Variants in BFSP1 observed in about 807,000 individuals in gnomAD.
BFSP1 encodes the protein beaded filament structural protein 1, also known as filensin.
A neutral mutation model predicts 43.9 loss-of-function variants in BFSP1; 38 were observed. The ratio of observed to expected loss-of-function variants is 0.87; its 90% CI spans 0.67 to 1.14. The LOEUF is 1.14. BFSP1 is among the 50% of genes most tolerant of loss of function. The pLI is 0.00. For synonymous variants in BFSP1, 352 were observed against 354.8 expected (o/e 0.99, Z 0.09); for missense variants, 850 against 875.1 (o/e 0.97, Z 0.36).
chr20:17,550,526 G>A (rs925146493), intron 1 of BFSP1, among the ~76,000 whole-genome samples: 2 of 147,742 alleles, frequency 1.4e-5, no homozygotes, highest in Middle Eastern at 3.2e-3. Context: ...GGGCAATGGC[G>A]TGATCTCAGC....
intron 7 of BFSP1, among the ~76,000 whole-genome samples, chr20:17,496,413 C>T (rs2033632149): frequency 6.6e-6 from 1 of 152,200 alleles, no homozygotes; most frequent in Non-Finnish European, 1.5e-5. Context: ...GCAGATGCCA[C>T]ATTTACCAGC....
chr20:17,550,262 G>T (rs2034873799), intron 1 of BFSP1, among the ~76,000 whole-genome samples: 1 of 152,100 alleles, frequency 6.6e-6, no homozygotes, highest in Non-Finnish European at 1.5e-5. Flanking sequence ...TTACAGAGTA[G>T]GGTGTCCTCA....
intron 1 of BFSP1, among the ~76,000 whole-genome samples, chr20:17,542,044 A>G (rs1011949869): frequency 6.6e-6 from 1 of 152,162 alleles, no homozygotes; most frequent in African/African-American, 2.4e-5. Flanking sequence ...GTAACCTCCA[A>G]AATCAATTTC....
chr20:17,531,088 A>T lies in BFSP1; in HGVS notation c.242T>A (p.Leu81Gln). 7.3e-7 allele frequency: 1 copy of T among 1,367,548 alleles called. No individual in the cohort carries two copies. The highest frequency in any genetic ancestry group is 9.4e-7 in the Non-Finnish European group (1 of 1,062,680). The allele number at this position is 1,367,548 out of a possible 1,614,324, so 84.7% of individuals were successfully genotyped here. The change falls in exon 1 of 8, where the codon CTG becomes CAG. Residue 81 changes from leucine (L) to glutamine (Q), a missense_variant. Transcript: ENST00000377873. The stretch of plus-strand genomic sequence containing the variant: ...GGCGAGGGCGTCCTCGGGCCCGGCC[A>T]GCTCGCCCAGGCGCTGGAAGGCATC... Reference protein sequence around the residue: ...QLDAFQRLGELAGPEDALARQ... With the variant: ...QLDAFQRLGEQAGPEDALARQ...
intron 1 of BFSP1, among the ~76,000 whole-genome samples, chr20:17,537,568 C>CAAAAAAAA (rs901895418): frequency 6.3e-5 from 4 of 63,822 alleles, no homozygotes; most frequent in Admixed American, 1.8e-4. Flanking sequence ...ACTGAAGCAC[C>CAAAAAAAA]AAAAAAAAAA....
chr20:17,501,862 A>G (rs371616334), intron 5 of BFSP1, among the ~76,000 whole-genome samples: 1 of 152,194 alleles, frequency 6.6e-6, no homozygotes, highest in East Asian at 1.9e-4. Flanking sequence ...GGAATCTGGA[A>G]AGGGGTCTCA....
intron 2 of BFSP1, among the ~76,000 whole-genome samples, chr20:17,516,181 G>C (rs1259188545): frequency 6.6e-6 from 1 of 152,100 alleles, no homozygotes; most frequent in Non-Finnish European, 1.5e-5. Flanking sequence ...TACAAAATTA[G>C]CTGGGCATGG....
chr20:17,495,081 A>G, intron 7 of BFSP1, 52 bp from the exon 8 acceptor site: 1 of 1,505,594 alleles, frequency 6.6e-7, no homozygotes, highest in Non-Finnish European at 9.0e-7. Flanking sequence ...TGAGAGAGAA[A>G]GAAAATACGC....
chr20:17,559,168 T>G (rs2035043178), upstream of BFSP1, among the ~76,000 whole-genome samples: 1 of 152,274 alleles, frequency 6.6e-6, no homozygotes. Context: ...CAGACATGGA[T>G]AGTTGGGAGA....
At chr20:17,542,098 T>C (rs752254581) in intron 1 of BFSP1, among the ~76,000 whole-genome samples, 111 of 152,064 alleles carry the variant, frequency 7.3e-4, no homozygotes, top group Non-Finnish European at 3.7e-4. Flanking sequence ...CTGCCTGCAT[T>C]TGGGGCACTT....
intron 7 of BFSP1, 37 bp from the exon 8 acceptor site, chr20:17,495,066 G>C: frequency 6.5e-7 from 1 of 1,542,592 alleles, no homozygotes; most frequent in Non-Finnish European, 8.8e-7. Flanking sequence ...AAGTATAATT[G>C]TCACTGAGAG....
At chr20:17,496,573 C>T (rs2033636704) in intron 7 of BFSP1, among the ~76,000 whole-genome samples, 3 of 152,116 alleles carry the variant, frequency 2.0e-5, no homozygotes, top group South Asian at 2.1e-4. Flanking sequence ...CACTTACTGC[C>T]GAGCGGAGGG....
chr20:17,568,617 G>A (rs1008648545), intron 1 of BFSP1, among the ~76,000 whole-genome samples: 1 of 152,134 alleles, frequency 6.6e-6, no homozygotes, highest in Non-Finnish European at 1.5e-5. Flanking sequence ...AACTTTTCCA[G>A]GTGATTCTGA....
intron 1 of BFSP1, among the ~76,000 whole-genome samples, chr20:17,568,367 G>C (rs1464243208): frequency 1.3e-5 from 2 of 152,086 alleles, no homozygotes; most frequent in East Asian, 3.9e-4. Flanking sequence ...TTCACTTTTG[G>C]ACTAGAAAGG....
intron 4 of BFSP1, among the ~76,000 whole-genome samples, chr20:17,511,236 C>T (rs1443488336): frequency 6.6e-6 from 1 of 152,156 alleles, no homozygotes; most frequent in Non-Finnish European, 1.5e-5. Flanking sequence ...AACATAATAT[C>T]AGAAGTAATT....
At chr20:17,500,099 C>T (rs1017541049) in intron 5 of BFSP1, among the ~76,000 whole-genome samples, 1 of 152,106 alleles carries the variant, frequency 6.6e-6, no homozygotes, top group Non-Finnish European at 1.5e-5. Context: ...AGAAAAGTTT[C>T]CTTGTTCTCA....
chr20:17,541,865 C>T lies in BFSP1; in HGVS notation c.2+16823G>A, dbSNP rs2034723964. On this transcript the variant is annotated intron_variant, in intron 1 of 7. Transcript: ENST00000377868. The stretch of plus-strand genomic sequence containing the variant: ...TGTCTGTAAAATGCACTTGGACTGT[C>T]CTCGGTGACCCTAATTGCATGACTT... Among the ~76,000 whole-genome samples, 5 of 152,328 alleles carry T rather than the reference C, an allele frequency of 3.3e-5. No homozygotes were observed. In the South Asian group the frequency reaches 1.0e-3, roughly 32 times the overall value.
At chr20:17,563,502 A>G (rs11087213), upstream of BFSP1, among the ~76,000 whole-genome samples, 149,753 of 151,358 alleles carry the variant, frequency 0.99, 74,100 homozygotes, top group Middle Eastern at 1. Context: ...GCACATGCCC[A>G]GCTAATTTTT....
intron 1 of BFSP1, among the ~76,000 whole-genome samples, chr20:17,526,603 A>G (rs534237034): frequency 1.3e-5 from 2 of 152,296 alleles, no homozygotes; most frequent in East Asian, 3.9e-4. Flanking sequence ...CATTTTAGCT[A>G]TTGTGAACAG....
Sources: gnomAD v4.1 joint callset for allele counts (sites outside exome capture counted in the v4.1 genomes callset) on GRCh38, gnomAD v4.1.1 for gene constraint, MANE v1.5 for transcripts, NCBI Gene and HGNC (gene_info 2026-07-23, HGNC 2026-07-21) for gene names.